The following ITGA11 variants were observed in gnomAD, a reference collection of about 807,000 sequenced individuals.
ITGA11 encodes the protein integrin alpha-11.
ITGA11 carries 97 observed loss-of-function variants against 141.9 expected under a neutral mutation model. The ratio of observed to expected loss-of-function variants is 0.68; its 90% CI spans 0.58 to 0.81. ITGA11 has a LOEUF of 0.81. ITGA11 is among the 30% of genes least tolerant of loss of function. The pLI is 0.00. For synonymous variants in ITGA11, 658 were observed against 624.6 expected, an observed-to-expected ratio of 1.05 and a Z score of -0.80; for missense variants, 1,387 against 1,559.2, an observed-to-expected ratio of 0.89 and a Z score of 1.86.
In ITGA11 at chr15:68,335,676, C is replaced by A. The variant is rs779951291; in HGVS notation, c.1425+21G>T. Reference sequence around the variant, plus strand: ...TGCCCCCTCTTCCCTCCATCCCGGCCCCAGGCTCCCCCTCCATTACCTGCT... The same window carrying A: ...TGCCCCCTCTTCCCTCCATCCCGGCACCAGGCTCCCCCTCCATTACCTGCT... On this transcript the variant is annotated intron_variant, in intron 12 of 29. Transcript: ENST00000315757. This position sits in a 1 kb window ranked among gnomAD's most constrained non-coding sequence, Gnocchi z 4.9. The A allele has an allele frequency of 1.2e-6, 2 of 1,612,408 alleles. No homozygotes were observed. The highest frequency in any genetic ancestry group is 2.2e-5 in the South Asian group (2 of 90,618).
chr15:68,317,234 G>T, intron 21 of ITGA11, 31 bp downstream of exon 21: 4 of 1,440,268 alleles, frequency 2.8e-6, no homozygotes, highest in Non-Finnish European at 3.9e-6. Flanking sequence ...TGCCCACCCT[G>T]ACCCTCCCCC....
intron 2 of ITGA11, among the ~76,000 whole-genome samples, chr15:68,375,138 A>C (rs1384784667): frequency 6.6e-6 from 1 of 152,054 alleles, no homozygotes; most frequent in Non-Finnish European, 1.5e-5. Flanking sequence ...TCCCCACAGG[A>C]GCCTCTCACC....
In ITGA11 at chr15:68,332,369, C is replaced by T. The variant is rs759310949; in HGVS notation, c.1535G>A (p.Arg512Gln). ...APMYFNEGRE[R>Q]GKVYVYELRQ... ...CAGCTCATAGACGTACACCTTGCCT[C>T]GCTCACGGCCCTCGTTGAAGTACAT... Residue 512 changes from arginine to glutamine, a missense_variant, in exon 13 of 30, where the codon CGA becomes CAA. Coordinates refer to ENST00000315757, the MANE Select transcript of ITGA11 (RefSeq NM_001004439.2). 42 of 1,608,756 alleles carry T rather than the reference C, an allele frequency of 2.6e-5. No individual in the cohort carries two copies. In the East Asian group the frequency reaches 6.9e-4, roughly 27 times the overall value.
rs116433503 is a variant in ITGA11 at position 68,331,736 on chromosome 15, G to A, written c.1770+123C>T. The stretch of plus-strand genomic sequence containing the variant: ...GGGGAAGCATGGCCAGGACAGATTG[G>A]CATCCGTTTCTGTGAGAGGGCCTGG... On this transcript the variant is annotated intron_variant, in intron 14 of 29. Transcript: ENST00000315757. The A allele has an allele frequency of 4.8e-4, 402 of 841,306 alleles. No individual in the cohort carries two copies. The African/African-American group carries it at 6.0e-3, about 13-fold the overall frequency. 52.1% of individuals were successfully genotyped at this position (841,306 alleles called of 1,614,324 possible). A position where few individuals can be genotyped will look rare whatever the true frequency, so the allele number is the denominator to read the frequency against.
intron 9 of ITGA11, among the ~76,000 whole-genome samples, chr15:68,349,905 A>G (rs552458943): frequency 6.6e-6 from 1 of 152,328 alleles, no homozygotes; most frequent in African/African-American, 2.4e-5. Flanking sequence ...TGCCTGATGC[A>G]ATATAGGATG....
intron 2 of ITGA11, among the ~76,000 whole-genome samples, chr15:68,387,926 A>T (rs28675010): frequency 0.08 from 12,115 of 151,916 alleles, 1,004 homozygotes; most frequent in African/African-American, 0.21. Context: ...TCTGTCGTTC[A>T]TCCCAAGCCC....
rs943175416 is a variant in ITGA11, at chr15:68,347,382, G to A, written c.1131+1448C>T. ...ACTATCATCACCTGCCAACCTTGTA[G>A]GGCTGTTCTGGTGTGAAATGAGGTG... is the stretch of plus-strand genomic sequence containing the variant. On this transcript the variant is annotated intron_variant, in intron 10 of 29. Transcript: ENST00000315757. 2.6e-5 allele frequency among the ~76,000 whole-genome samples: 4 copies of A among 152,230 alleles called. No homozygotes were observed. The South Asian group carries it at 8.3e-4, about 31-fold the overall frequency.
At chr15:68,416,586 C>A (rs1300585226) in intron 1 of ITGA11, among the ~76,000 whole-genome samples, 1 of 152,230 alleles carries the variant, frequency 6.6e-6, no homozygotes, top group African/African-American at 2.4e-5. Context: ...GAGCCCTGGA[C>A]AGCCATCTCA....
chr15:68,414,541 C>T (rs1186998560), intron 1 of ITGA11, among the ~76,000 whole-genome samples: 6 of 152,184 alleles, frequency 3.9e-5, no homozygotes, highest in Admixed American at 2.0e-4. Context: ...CCTCTGTCTC[C>T]TCTTCTAGAA....
Position 68,418,266 on chromosome 15 carries a change from G to GA in ITGA11, c.52+13748dup, listed in dbSNP as rs953087702. On this transcript the variant is annotated intron_variant, in intron 1 of 29. Transcript: ENST00000315757. ...CTATATACATTTGTTAAATGAGACG[G>GA]AAAAAATGAATAGAAGTATTCAGGC... Among the ~76,000 whole-genome samples the GA allele has an allele frequency of 1.6e-4, 24 of 152,160 alleles. 1 individual carries two copies. Among genetic ancestry groups the GA allele is most frequent in the African/African-American group, 5.8e-4 (24 of 41,426 alleles).
intron 4 of ITGA11, among the ~76,000 whole-genome samples, chr15:68,364,084 T>G (rs1895340776): frequency 6.6e-6 from 1 of 152,236 alleles, no homozygotes; most frequent in South Asian, 2.1e-4. Flanking sequence ...TGAATGAATG[T>G]TTCTACCACC....
chr15:68,405,159 C>CGT (rs10647873), intron 1 of ITGA11, among the ~76,000 whole-genome samples: 1 of 118,942 alleles, frequency 8.4e-6, no homozygotes. Flanking sequence ...CACTGTCTCC[C>CGT]TTTTTTTTTT....
chr15:68,314,739 C>T (rs1205901417), intron 22 of ITGA11, among the ~76,000 whole-genome samples: 5 of 152,166 alleles, frequency 3.3e-5, no homozygotes, highest in Admixed American at 6.5e-5. Flanking sequence ...AAGTTTGCCA[C>T]GTGGTGTGTG....
At chr15:68,401,506 C>A (rs967684716) in intron 2 of ITGA11, among the ~76,000 whole-genome samples, 1 of 152,200 alleles carries the variant, frequency 6.6e-6, no homozygotes, top group African/African-American at 2.4e-5. Flanking sequence ...TAGATTAATA[C>A]AATGGAATAC....
At chr15:68,394,790 A>G (rs896972094) in intron 2 of ITGA11, among the ~76,000 whole-genome samples, 2 of 152,214 alleles carry the variant, frequency 1.3e-5, no homozygotes, top group Non-Finnish European at 2.9e-5. Flanking sequence ...TAGGAGGCTA[A>G]TATGAATATT....
At chr15:68,334,846 G>A (rs539315542) in intron 12 of ITGA11, among the ~76,000 whole-genome samples, 1 of 152,226 alleles carries the variant, frequency 6.6e-6, no homozygotes, top group African/African-American at 2.4e-5. Flanking sequence ...ATTCCCAAAA[G>A]AGCTGGCCCT....
intron 2 of ITGA11, among the ~76,000 whole-genome samples, chr15:68,385,771 C>T (rs762674241): frequency 1.1e-4 from 16 of 152,142 alleles, no homozygotes; most frequent in Non-Finnish European, 1.6e-4. Flanking sequence ...GTTTCAGTCC[C>T]GGCCCTCAAA....
intron 7 of ITGA11, among the ~76,000 whole-genome samples, chr15:68,352,821 G>T (rs1225331665): frequency 6.6e-6 from 1 of 151,946 alleles, no homozygotes; most frequent in East Asian, 1.9e-4. Flanking sequence ...TCAATTGGCA[G>T]AGAGGCTCTT....
chr15:68,404,478 A>G (rs929545445), intron 1 of ITGA11, among the ~76,000 whole-genome samples: 4 of 152,192 alleles, frequency 2.6e-5, no homozygotes, highest in African/African-American at 9.7e-5. Flanking sequence ...GGCAAATCAC[A>G]AGAAACAACA....
Sources: gnomAD v4.1 joint callset for allele counts (sites outside exome capture counted in the v4.1 genomes callset) on GRCh38, gnomAD v4.1.1 for gene constraint, Gnocchi (gnomAD v3.1) non-coding constraint, MANE v1.5 for transcripts, NCBI Gene and HGNC (gene_info 2026-07-23, HGNC 2026-07-21) for gene names.